WDR27: variants seen among roughly 807,000 people sequenced by gnomAD.
WDR27 encodes WD repeat-containing protein 27.
In WDR27, 100 loss-of-function variants were observed where a neutral mutation model predicts 114.4. That is an observed-to-expected ratio of 0.87 (90% CI 0.74 to 1.03). WDR27 has a LOEUF of 1.03. Ranked by LOEUF, WDR27 falls within the 50% of genes least tolerant of loss-of-function variation. The pLI is 0.00. For synonymous variants in WDR27, 449 were observed against 423.1 expected, an observed-to-expected ratio of 1.06 and a Z score of -0.75; for missense variants, 1,129 against 1,092.9, an observed-to-expected ratio of 1.03 and a Z score of -0.47.
intron 25 of WDR27, among the ~76,000 whole-genome samples, chr6:169,475,538 T>TA (rs1449425134): frequency 6.6e-6 from 1 of 152,240 alleles, no homozygotes; most frequent in African/African-American, 2.4e-5. Flanking sequence ...TACTTACTTA[T>TA]AGTTTTACCT....
intron 13 of WDR27, among the ~76,000 whole-genome samples, chr6:169,656,706 A>ACAGCTCCCAGCT (rs1562835503): frequency 6.6e-6 from 1 of 152,066 alleles, no homozygotes; most frequent in Non-Finnish European, 1.5e-5. Flanking sequence ...CCCAGCTCCG[A>ACAGCTCCCAGCT]CAGCTCCCAG....
the WDR27 span, among the ~76,000 whole-genome samples, chr6:169,446,704 T>A: frequency 6.6e-6 from 1 of 152,252 alleles, no homozygotes; most frequent in South Asian, 2.1e-4. Flanking sequence ...AGCTTGTTCT[T>A]ACAAACATAA....
intron 25 of WDR27, among the ~76,000 whole-genome samples, chr6:169,490,962 A>G (rs1192465264): frequency 6.6e-6 from 1 of 152,190 alleles, no homozygotes; most frequent in Non-Finnish European, 1.5e-5. Flanking sequence ...CCCTACTTTC[A>G]GCCATCCGTA....
At chr6:169,448,392 A>ATGTGTGTG in the WDR27 span, among the ~76,000 whole-genome samples, 1,118 of 132,022 alleles carry the variant, frequency 8.5e-3, 18 homozygotes, top group African/African-American at 0.033. Flanking sequence ...CTCTGTCTCT[A>ATGTGTGTG]TGTGTGTGTG....
At chr6:169,618,513 T>G (rs1220880248) in intron 21 of WDR27, among the ~76,000 whole-genome samples, 1 of 151,798 alleles carries the variant, frequency 6.6e-6, no homozygotes, top group African/African-American at 2.4e-5. Flanking sequence ...CTGGCACTCT[T>G]GTTAATACAA....
intron 23 of WDR27, among the ~76,000 whole-genome samples, chr6:169,591,983 G>A (rs1015760886): frequency 6.6e-6 from 1 of 151,922 alleles, no homozygotes; most frequent in East Asian, 1.9e-4. Context: ...AGGTTGCAAA[G>A]AGGGTACTAA....
chr6:169,621,968 G>A (rs1017425449), intron 21 of WDR27, among the ~76,000 whole-genome samples: 1 of 152,154 alleles, frequency 6.6e-6, no homozygotes, highest in Non-Finnish European at 1.5e-5. Context: ...CCAAGCTAAA[G>A]GGAAAAAGTC....
chr6:169,579,370 A>AT (rs2128136808), intron 24 of WDR27, among the ~76,000 whole-genome samples: 1 of 152,308 alleles, frequency 6.6e-6, no homozygotes, highest in South Asian at 2.1e-4. Flanking sequence ...TTTAAGTTAA[A>AT]TTTATAGAGA....
chr6:169,645,023 T>TAAAAAAAAAAATAA (rs1820200961), intron 16 of WDR27, among the ~76,000 whole-genome samples: 3 of 46,982 alleles, frequency 6.4e-5, no homozygotes, highest in African/African-American at 1.0e-4. Context: ...AAAAAAAAAA[T>TAAAAAAAAAAATAA]AAAAAAAAAA....
chr6:169,586,450 T>A (rs1006586114), intron 23 of WDR27, among the ~76,000 whole-genome samples: 1 of 152,014 alleles, frequency 6.6e-6, no homozygotes, highest in Non-Finnish European at 1.5e-5. Context: ...AATGACCCTC[T>A]GATCTAGAGG....
chr6:169,625,969 C>T (rs541795107), intron 21 of WDR27, among the ~76,000 whole-genome samples: 19 of 152,238 alleles, frequency 1.2e-4, no homozygotes, highest in Non-Finnish European at 2.5e-4. Context: ...TTCATGTGGG[C>T]GCCAAGCTTG....
At chr6:169,521,629 T>C (rs888757245) in intron 25 of WDR27, among the ~76,000 whole-genome samples, 9 of 152,194 alleles carry the variant, frequency 5.9e-5, no homozygotes, top group African/African-American at 1.9e-4. Flanking sequence ...GTAAAAAATA[T>C]GTAAATTGAG....
chr6:169,516,001 T>A (rs1237350049), intron 25 of WDR27, among the ~76,000 whole-genome samples: 2 of 152,140 alleles, frequency 1.3e-5, no homozygotes, highest in Non-Finnish European at 1.5e-5. Flanking sequence ...TGTGAATAAG[T>A]AACTCCAGCA....
chr6:169,453,105 G>C (rs563490536), downstream of WDR27, among the ~76,000 whole-genome samples: 1 of 152,330 alleles, frequency 6.6e-6, no homozygotes, highest in Admixed American at 6.5e-5. Context: ...GCTTCAAAAA[G>C]TAAGAAGATA....
At chr6:169,491,899 A>G (rs926928757) in intron 25 of WDR27, among the ~76,000 whole-genome samples, 2 of 152,200 alleles carry the variant, frequency 1.3e-5, no homozygotes, top group African/African-American at 2.4e-5. Context: ...TGCAAAATCA[A>G]GTAGGAAGAG....
At chr6:169,618,648 A>C (rs1014661767) in intron 21 of WDR27, among the ~76,000 whole-genome samples, 2 of 149,904 alleles carry the variant, frequency 1.3e-5, no homozygotes, top group African/African-American at 2.5e-5. Context: ...AAAAAAAAAA[A>C]ACATTATTGA....
intron 21 of WDR27, among the ~76,000 whole-genome samples, chr6:169,624,532 C>T (rs1814304375): frequency 6.6e-6 from 1 of 152,182 alleles, no homozygotes; most frequent in African/African-American, 2.4e-5. Context: ...TCCCCGATCC[C>T]CCTCAGCCCA....
Position 169,582,862 on chromosome 6 carries a change from C to T in WDR27, c.2497G>A (p.Val833Met). The change falls in exon 24 of 26, where the codon GTG becomes ATG. Residue 833 changes from valine (V) to methionine (M), a missense_variant. Val to Met is a conservative substitution (Grantham distance 21, BLOSUM62 1). Coordinates refer to ENST00000448612, the MANE Select transcript of WDR27 (RefSeq NM_182552.5). Reference protein sequence around the residue: ...LAGHTDTVTGVAFNPSAPQME... With the variant: ...LAGHTDTVTGMAFNPSAPQME... ...TGGGGCGCTGATGGGTTGAAGGCCA[C>T]TCCAGTGACAGTGTCTGTGTGCCCA... 1 of 1,613,926 alleles carries T rather than the reference C, an allele frequency of 6.2e-7. No individual in the cohort carries two copies. The highest frequency in any genetic ancestry group is 2.2e-5 in the East Asian group (1 of 44,868).
chr6:169,470,232 T>C (rs571190456), intron 25 of WDR27, among the ~76,000 whole-genome samples: 63 of 152,338 alleles, frequency 4.1e-4, no homozygotes, highest in African/African-American at 1.5e-3. Context: ...ATTCTGTTCA[T>C]AATTATTTAC....
Sources: allele counts gnomAD v4.1 joint callset (sites outside exome capture counted in the v4.1 genomes callset), GRCh38; gene constraint gnomAD v4.1.1; transcripts MANE v1.5; gene names NCBI Gene and HGNC (gene_info 2026-07-23, HGNC 2026-07-21).